The following SYNPO2 variants were observed in gnomAD, a reference collection of about 807,000 sequenced individuals.
SYNPO2 encodes the protein synaptopodin 2, also known as synaptopodin-2.
A neutral mutation model predicts 85.0 loss-of-function variants in SYNPO2; 56 were observed. The ratio of observed to expected loss-of-function variants is 0.66; its 90% confidence interval spans 0.53 to 0.82. The LOEUF is 0.82. Ranked by LOEUF, SYNPO2 falls within the 40% of genes least tolerant of loss-of-function variation. The pLI is 0.00. For synonymous variants in SYNPO2, 602 were observed against 591.1 expected (o/e 1.02, Z -0.27); for missense variants, 1,575 against 1,534.2 (o/e 1.03, Z -0.44).
At chr4:118,934,116 C>G (rs1734023525) in intron 1 of SYNPO2, among the ~76,000 whole-genome samples, 1 of 152,048 alleles carries the variant, frequency 6.6e-6, no homozygotes, top group East Asian at 1.9e-4. Flanking sequence ...TCTCTTTTCA[C>G]TTTCTGAGAA....
At chr4:118,905,169 A>T (rs1177951921) in intron 1 of SYNPO2, among the ~76,000 whole-genome samples, 1 of 152,176 alleles carries the variant, frequency 6.6e-6, no homozygotes, top group Admixed American at 6.5e-5. Flanking sequence ...CTGAGAGTAG[A>T]CACAAATTCA....
rs774877363 is a variant in SYNPO2, at chr4:119,057,777, C to G, written c.3629C>G (p.Thr1210Ser). ...NVTANNNMST[T>S]SQYGSQLPYA... ...ACAGCCAATAATAATATGTCCACCA[C>G]CTCCCAATATGGTTCACAGTTGCCA... Residue 1210 changes from threonine to serine, a missense_variant, in exon 5 of 5, where the codon ACC becomes AGC. Coordinates refer to ENST00000307142, the MANE Select transcript of SYNPO2 (RefSeq NM_133477.3). 6.2e-7 allele frequency: 1 copy of G among 1,614,078 alleles called. No homozygotes were observed. Among genetic ancestry groups the G allele is most frequent in the Non-Finnish European group, 8.5e-7 (1 of 1,180,024 alleles).
chr4:119,019,639 C>T (rs553428037), intron 1 of SYNPO2, among the ~76,000 whole-genome samples: 6 of 152,182 alleles, frequency 3.9e-5, no homozygotes, highest in South Asian at 2.1e-4. Flanking sequence ...CATCATGGAA[C>T]TTTACACACA....
At chr4:118,927,646 T>C (rs576622553) in intron 1 of SYNPO2, among the ~76,000 whole-genome samples, 1 of 152,238 alleles carries the variant, frequency 6.6e-6, no homozygotes, top group African/African-American at 2.4e-5. Flanking sequence ...ATGTCCTGAC[T>C]ACAGAGTTTG....
chr4:118,951,688 T>C (rs1734702205), intron 1 of SYNPO2, among the ~76,000 whole-genome samples: 1 of 152,134 alleles, frequency 6.6e-6, no homozygotes, highest in Non-Finnish European at 1.5e-5. Flanking sequence ...TGGCTGAAAA[T>C]CTAACCCAGG....
intron 1 of SYNPO2, among the ~76,000 whole-genome samples, chr4:118,922,301 G>A (rs1733567674): frequency 6.6e-6 from 1 of 152,016 alleles, no homozygotes; most frequent in African/African-American, 2.4e-5. Flanking sequence ...GCATGATAGG[G>A]TTATTTCTTT....
In SYNPO2 at chr4:119,031,301, C is replaced by T; in HGVS notation, c.2526C>T (p.Pro842=). ...CAGTAGCCAGTCAGAATTACACACCCAAACCAACAGTTTCCACACCAACAG... is the reference window on the plus strand; with the variant it reads ...CAGTAGCCAGTCAGAATTACACACCTAAACCAACAGTTTCCACACCAACAG... ...QAAVASQNYT[P]KPTVSTPTVN... The change falls in exon 4 of 5, where the codon CCC becomes CCT. Residue 842 remains proline, a synonymous_variant. Transcript: ENST00000307142. 6.2e-7 allele frequency: 1 copy of T among 1,614,200 alleles called. No individual in the cohort carries two copies. Among genetic ancestry groups the T allele is most frequent in the Admixed American group, 1.7e-5 (1 of 60,030 alleles).
rs1031909496 is a variant in SYNPO2 at position 118,895,200 on chromosome 4, A to G, written c.105+6059A>G. Among the ~76,000 whole-genome samples the G allele has an allele frequency of 2.6e-5, 4 of 152,310 alleles. No homozygotes were observed. The East Asian group carries it at 7.7e-4, about 29-fold the overall frequency. The stretch of plus-strand genomic sequence containing the variant: ...AACAGTCAACTTTAATTAAAGCTTC[A>G]GTCAACTATCTGACTCTAAACTCTT... On this transcript the variant is annotated intron_variant, in intron 1 of 4. Transcript: ENST00000307142.
chr4:118,900,741 G>GTCTATCTATCTATCTATCTATCTA (rs200026031), intron 1 of SYNPO2, among the ~76,000 whole-genome samples: 1 of 86,256 alleles, frequency 1.2e-5, no homozygotes, highest in Admixed American at 1.4e-4. Flanking sequence ...ATGTCTGTCT[G>GTCTATCTATCTATCTATCTATCTA]TCTATCTATC....
intron 1 of SYNPO2, among the ~76,000 whole-genome samples, chr4:118,890,294 A>G (rs959304456): frequency 6.6e-6 from 1 of 152,136 alleles, no homozygotes; most frequent in African/African-American, 2.4e-5. Context: ...GAAAATTGCA[A>G]ACATCAAGAA....
chr4:119,009,164 T>C (rs1411935523), intron 1 of SYNPO2, among the ~76,000 whole-genome samples: 1 of 152,228 alleles, frequency 6.6e-6, no homozygotes, highest in Non-Finnish European at 1.5e-5. Flanking sequence ...TTTTGTATGC[T>C]TGCAATTGAT....
At chr4:118,955,558 A>G (rs1734846353) in intron 1 of SYNPO2, among the ~76,000 whole-genome samples, 1 of 152,182 alleles carries the variant, frequency 6.6e-6, no homozygotes. Context: ...AAGTGGCAGA[A>G]TTGGATGAGA....
At chr4:118,930,217 G>T (rs547861912) in intron 1 of SYNPO2, among the ~76,000 whole-genome samples, 59 of 152,234 alleles carry the variant, frequency 3.9e-4, no homozygotes, top group African/African-American at 1.3e-3. Flanking sequence ...TATGAGAATT[G>T]TTTTTCCATT....
chr4:118,927,741 T>TGATAGATAGATATATAGAC (rs1560874166), intron 1 of SYNPO2, among the ~76,000 whole-genome samples: 17 of 122,330 alleles, frequency 1.4e-4, no homozygotes, highest in Admixed American at 4.1e-4. Flanking sequence ...GATAGATAGA[T>TGATAGATAGATATATAGAC]AGATAGATGA....
chr4:119,044,288 A>G (rs1267786357), intron 4 of SYNPO2, among the ~76,000 whole-genome samples: 1 of 152,238 alleles, frequency 6.6e-6, no homozygotes, highest in Non-Finnish European at 1.5e-5. Context: ...CAGCAAAACA[A>G]TCACACATTT....
At chr4:119,018,079 T>TGTC (rs1737585977) in intron 1 of SYNPO2, among the ~76,000 whole-genome samples, 1 of 152,184 alleles carries the variant, frequency 6.6e-6, no homozygotes, top group South Asian at 2.1e-4. Context: ...ATGTAAATAA[T>TGTC]GTCGTTAAAT....
At chr4:119,038,095 TTGTC>T in intron 4 of SYNPO2, 1 of 962,580 alleles carries the variant, frequency 1.0e-6, no homozygotes, top group Non-Finnish European at 1.2e-6. Flanking sequence ...ATTTAGATAT[TTGTC>T]TGGCATCCAA....
chr4:118,893,656 A>T (rs1732444977), intron 1 of SYNPO2, among the ~76,000 whole-genome samples: 1 of 152,112 alleles, frequency 6.6e-6, no homozygotes, highest in South Asian at 2.1e-4. Flanking sequence ...CCCAACCTTG[A>T]TTTCATTATT....
At chr4:119,033,483 A>G in intron 4 of SYNPO2, 9 of 985,406 alleles carry the variant, frequency 9.1e-6, no homozygotes, top group Non-Finnish European at 1.1e-5. Context: ...TCTGAGTCTG[A>G]CCAACCATGG....
Sources: gnomAD v4.1 joint callset for allele counts (sites outside exome capture counted in the v4.1 genomes callset) on GRCh38, gnomAD v4.1.1 for gene constraint, MANE v1.5 for transcripts, NCBI Gene and HGNC (gene_info 2026-07-23, HGNC 2026-07-21) for gene names.